Variants in PDE11A observed in about 807,000 individuals in gnomAD.
PDE11A encodes phosphodiesterase 11A.
In PDE11A, 100 loss-of-function variants were observed where a neutral mutation model predicts 100.5. The ratio of observed to expected loss-of-function variants is 1.00; its 90% CI spans 0.85 to 1.18. The LOEUF (loss-of-function observed/expected upper bound fraction) is 1.18. PDE11A is among the 50% of genes most tolerant of loss of function. The probability of loss-of-function intolerance (pLI) is 0.00; values close to 1 mark genes in which losing one functional copy is unlikely to be tolerated. For synonymous variants in PDE11A, 381 were observed against 420.8 expected (o/e 0.91, Z 1.16); for missense variants, 1,141 against 1,152.6 (o/e 0.99, Z 0.15).
At chr2:177,869,052 T>G (rs1367851814) in intron 5 of PDE11A, among the ~76,000 whole-genome samples, 2 of 152,252 alleles carry the variant, frequency 1.3e-5, no homozygotes, top group African/African-American at 2.4e-5. Flanking sequence ...TGTGTGTATG[T>G]GCATGCATGC....
intron 13 of PDE11A, among the ~76,000 whole-genome samples, chr2:177,709,009 G>A (rs1305602286): frequency 1.3e-5 from 2 of 152,280 alleles, no homozygotes; most frequent in East Asian, 3.9e-4. Context: ...GCCAGGCAGG[G>A]GAAACAGCAT....
chr2:177,810,152 T>C (rs2082928385), intron 9 of PDE11A, among the ~76,000 whole-genome samples: 1 of 152,220 alleles, frequency 6.6e-6, no homozygotes, highest in East Asian at 1.9e-4. Flanking sequence ...TATGCCAGTC[T>C]GTGGTCAGCA....
intron 4 of PDE11A, 87 bp from the exon 5 acceptor site, chr2:177,876,010 T>C: frequency 2.5e-6 from 2 of 816,044 alleles, no homozygotes; most frequent in Middle Eastern, 4.4e-4. Context: ...ATCTTTATAA[T>C]GATTATAATA....
At chr2:177,727,604 C>T (rs62183008) in intron 12 of PDE11A, 54 bp downstream of exon 12, 30,678 of 1,025,490 alleles carry the variant, frequency 0.03, 576 homozygotes, top group Non-Finnish European at 0.038. Context: ...AGGAGAAGGC[C>T]TGCCAGTTCC....
intron 1 of PDE11A, 84 bp from the exon 2 acceptor site, chr2:178,014,544 A>G (rs1016682135): frequency 9.7e-7 from 1 of 1,033,772 alleles, no homozygotes; most frequent in Non-Finnish European, 1.5e-6. Flanking sequence ...TGCATATGAT[A>G]CCTTATCACT....
intron 4 of PDE11A, among the ~76,000 whole-genome samples, chr2:177,896,576 A>G (rs2084615459): frequency 6.6e-6 from 1 of 152,010 alleles, no homozygotes; most frequent in Non-Finnish European, 1.5e-5. Context: ...CCTTTGTTTA[A>G]TGGGGGCTTC....
At chr2:177,727,797 G>T in intron 11 of PDE11A, 32 bp from the exon 12 acceptor site, 2 of 1,315,186 alleles carry the variant, frequency 1.5e-6, no homozygotes, top group South Asian at 1.2e-5. Flanking sequence ...GCGTCAGGCA[G>T]TTGTAAGTGA....
At chr2:177,949,418 C>T (rs534351298) in intron 2 of PDE11A, among the ~76,000 whole-genome samples, 2 of 152,200 alleles carry the variant, frequency 1.3e-5, no homozygotes, top group South Asian at 2.1e-4. Flanking sequence ...TAGCCTTTCT[C>T]AATATTTTCT....
chr2:177,906,273 G>A (rs941630376), intron 2 of PDE11A, among the ~76,000 whole-genome samples: 3 of 152,130 alleles, frequency 2.0e-5, no homozygotes, highest in Non-Finnish European at 2.9e-5. Context: ...AACCAGCAGA[G>A]GGCAGTGCAG....
intron 9 of PDE11A, among the ~76,000 whole-genome samples, chr2:177,804,321 GA>G (rs35996255): frequency 6.6e-6 from 1 of 151,420 alleles, no homozygotes; most frequent in Non-Finnish European, 1.5e-5. Context: ...ACAAATACAT[GA>G]AAAAAATGTT....
chr2:177,879,967 T>C (rs903893508), intron 4 of PDE11A, among the ~76,000 whole-genome samples: 6 of 152,354 alleles, frequency 3.9e-5, no homozygotes, highest in Non-Finnish European at 4.4e-5. Context: ...TCTAAATTCA[T>C]TTTTAATGTA....
intron 2 of PDE11A, among the ~76,000 whole-genome samples, chr2:177,916,927 ATTTTTTTTTT>A (rs1183483256): frequency 2.3e-4 from 24 of 105,310 alleles, no homozygotes; most frequent in African/African-American, 8.5e-4. Flanking sequence ...CGCCCGGCTA[ATTTTTTTTTT>A]TTTTTTTTTT....
At chr2:178,024,535 G>A (rs1294308884) in intron 1 of PDE11A, among the ~76,000 whole-genome samples, 1 of 152,230 alleles carries the variant, frequency 6.6e-6, no homozygotes, top group East Asian at 1.9e-4. Context: ...TTCCCTGAAG[G>A]CTTCATGAAC....
At chr2:177,887,176 A>C (rs759861657) in intron 4 of PDE11A, among the ~76,000 whole-genome samples, 6 of 152,200 alleles carry the variant, frequency 3.9e-5, no homozygotes, top group African/African-American at 1.2e-4. Flanking sequence ...AGAGAGAAAG[A>C]AAGAAAGCAA....
intron 1 of PDE11A, among the ~76,000 whole-genome samples, chr2:178,051,190 G>A (rs1043717544): frequency 6.6e-5 from 10 of 152,150 alleles, no homozygotes; most frequent in African/African-American, 2.4e-4. Flanking sequence ...GAAGAGAGTG[G>A]GGGCCAATAT....
chr2:177,918,609 T>A (rs945705210), intron 2 of PDE11A, among the ~76,000 whole-genome samples: 1 of 151,890 alleles, frequency 6.6e-6, no homozygotes, highest in Admixed American at 6.6e-5. Context: ...ACCCCGAAAA[T>A]ATACTAAAAC....
intron 1 of PDE11A, among the ~76,000 whole-genome samples, chr2:178,068,452 A>G (rs2087078616): frequency 6.6e-6 from 1 of 152,052 alleles, no homozygotes; most frequent in Non-Finnish European, 1.5e-5. Flanking sequence ...TCTCTTGCCC[A>G]TATTAGGAAC....
intron 19 of PDE11A, among the ~76,000 whole-genome samples, chr2:177,662,909 G>T (rs1184519030): frequency 6.6e-6 from 1 of 152,176 alleles, no homozygotes; most frequent in Admixed American, 6.5e-5. Flanking sequence ...AGTGGTAGAT[G>T]ATCTTGAACT....
At chr2:177,644,203 C>T (rs190344374) in intron 19 of PDE11A, among the ~76,000 whole-genome samples, 77 of 152,326 alleles carry the variant, frequency 5.1e-4, no homozygotes, top group Non-Finnish European at 9.7e-4. Flanking sequence ...TTGCATTGTG[C>T]ACCCGGAAAA....
Sources: gnomAD v4.1 joint callset for allele counts (sites outside exome capture counted in the v4.1 genomes callset) on GRCh38, gnomAD v4.1.1 for gene constraint, MANE v1.5 for transcripts, NCBI Gene and HGNC (gene_info 2026-07-23, HGNC 2026-07-21) for gene names.